Variants in PUM2 observed in about 807,000 individuals in gnomAD.
PUM2 encodes pumilio homolog 2.
A neutral mutation model predicts 124.5 loss-of-function variants in PUM2; 57 were observed. The observed-to-expected ratio is 0.46, with a 90% CI of 0.37 to 0.57. The LOEUF (loss-of-function observed/expected upper bound fraction) is 0.57, where lower values mean the gene tolerates loss of function less well. Among genes scored for constraint, PUM2 ranks in the 20% least tolerant of loss-of-function variants. The probability of loss-of-function intolerance (pLI) is 0.00; values close to 1 mark genes in which losing one functional copy is unlikely to be tolerated. For missense variants in PUM2, 1,065 were observed against 1,290.6 expected, an observed-to-expected ratio of 0.83 and a Z score of 2.68; for synonymous variants, 460 against 446.1, an observed-to-expected ratio of 1.03 and a Z score of -0.39.
chr2:20,307,131 T>C (rs1407766189), intron 7 of PUM2, among the ~76,000 whole-genome samples: 1 of 151,868 alleles, frequency 6.6e-6, no homozygotes, highest in Non-Finnish European at 1.5e-5. Flanking sequence ...CAGGAGAATC[T>C]CTTGAACCCA....
intron 2 of PUM2, among the ~76,000 whole-genome samples, chr2:20,321,366 C>T (rs928982122): frequency 3.9e-5 from 6 of 152,148 alleles, no homozygotes; most frequent in South Asian, 2.1e-4. Context: ...CTGTAAACCA[C>T]TTACCAAGTG....
chr2:20,329,310 T>C (rs1471854186), intron 1 of PUM2, among the ~76,000 whole-genome samples: 2 of 151,252 alleles, frequency 1.3e-5, no homozygotes, highest in African/African-American at 2.4e-5. Flanking sequence ...GGCATGCCTA[T>C]AGCCACAGCT....
At chr2:20,262,421 T>C (rs1004833889) in intron 14 of PUM2, among the ~76,000 whole-genome samples, 5 of 152,260 alleles carry the variant, frequency 3.3e-5, no homozygotes, top group African/African-American at 9.6e-5. Context: ...TACAGTGACA[T>C]GCTGTACAGA....
intron 13 of PUM2, among the ~76,000 whole-genome samples, chr2:20,270,548 A>T: frequency 1.2e-5 from 1 of 81,374 alleles, no homozygotes; most frequent in Admixed American, 1.3e-4. Context: ...TAAAAAACAA[A>T]TAAACACACA....
At chr2:20,329,353 G>A (rs1684397935) in intron 1 of PUM2, among the ~76,000 whole-genome samples, 1 of 148,068 alleles carries the variant, frequency 6.8e-6, no homozygotes, top group Non-Finnish European at 1.5e-5. Flanking sequence ...GATCACTTGA[G>A]CCCAGGAAGT....
At chr2:20,269,671 T>G (rs2148689248) in intron 13 of PUM2, among the ~76,000 whole-genome samples, 1 of 152,280 alleles carries the variant, frequency 6.6e-6, no homozygotes, top group South Asian at 2.1e-4. Flanking sequence ...AACTGTTAAT[T>G]TTATGACAAT....
At position 20,251,458 on chromosome 2, in the gene PUM2, A is replaced by G. The variant is rs903819335; in HGVS notation, c.*127T>C. On this transcript the variant is annotated 3_prime_UTR_variant, in exon 21 of 21. Coordinates refer to ENST00000361078, the MANE Select transcript of PUM2 (RefSeq NM_015317.5). ...TAAAAAATTTACAAATGGATGAATA[A>G]AGTCAATAAATAGTTTTGCTTTAAA... 6.7e-6 allele frequency: 8 copies of G among 1,196,352 alleles called. No individual in the cohort carries two copies. In the African/African-American group the frequency reaches 1.2e-4, roughly 18 times the overall value. 74.1% of individuals were successfully genotyped at this position (1,196,352 alleles called of 1,614,324 possible).
In PUM2 at chr2:20,253,929, G is replaced by C; in HGVS notation, c.2956C>G (p.Pro986Ala). The C allele has an allele frequency of 6.2e-7, 1 of 1,613,996 alleles. No homozygotes were observed. Among genetic ancestry groups the C allele is most frequent in the Non-Finnish European group, 8.5e-7 (1 of 1,179,914 alleles). ...ATCATGGTGTATAAGGCACTGTGAG[G>C]ACCATCATTCTGGCAGCAAACCTCG... Reference protein sequence around the residue: ...IDEVCCQNDGPHSALYTMMKD... With the variant: ...IDEVCCQNDGAHSALYTMMKD... Residue 986 changes from proline to alanine, a missense_variant, in exon 20 of 21, where the codon CCT becomes GCT. Physicochemically the swap from Pro to Ala is conservative, Grantham distance 27 (BLOSUM62 -1). Transcript: ENST00000361078.
chr2:20,280,520 TTAAC>T (rs1671265625), intron 12 of PUM2, among the ~76,000 whole-genome samples: 1 of 152,108 alleles, frequency 6.6e-6, no homozygotes, highest in Non-Finnish European at 1.5e-5. Context: ...AGAAAACAAT[TTAAC>T]TGACAATGAA....
In PUM2 at chr2:20,283,177, C is replaced by T. The variant is rs1420995262; in HGVS notation, c.1490G>A (p.Gly497Asp). 6.2e-7 allele frequency: 1 copy of T among 1,613,958 alleles called. No individual in the cohort carries two copies. Among genetic ancestry groups the T allele is most frequent in the African/African-American group, 1.3e-5 (1 of 74,924 alleles). ...CTGAGTGCCAATTGGCCGAAACAGACCATTTGTGCTGCCTGTAAGGCTACT... is the reference window on the plus strand; with the variant it reads ...CTGAGTGCCAATTGGCCGAAACAGATCATTTGTGCTGCCTGTAAGGCTACT... ...TASSLTGSTN[G>D]LFRPIGTQPP... The change falls in exon 12 of 21, where the codon GGT becomes GAT. Residue 497 changes from glycine to aspartate, a missense_variant. By Grantham distance (94) the Gly-to-Asp change is moderately conservative. This residue lies in a region of PUM2 where 968 missense variants were observed against 1,159.8 expected (regional missense o/e 0.83). Coordinates refer to ENST00000361078, the MANE Select transcript of PUM2 (RefSeq NM_015317.5).
intron 1 of PUM2, among the ~76,000 whole-genome samples, chr2:20,330,119 T>C (rs1684593354): frequency 1.3e-5 from 2 of 152,046 alleles, no homozygotes; most frequent in African/African-American, 4.8e-5. Flanking sequence ...GGAACAATGA[T>C]GTATGAATGA....
At position 20,313,444 on chromosome 2, in the gene PUM2, T is replaced by C. The variant is rs564650615; in HGVS notation, c.161-1021A>G. Among the ~76,000 whole-genome samples the C allele has an allele frequency of 7.2e-5, 11 of 152,352 alleles. No homozygotes were observed. In the South Asian group the frequency reaches 2.3e-3, roughly 32 times the overall value. On this transcript the variant is annotated intron_variant, in intron 3 of 20. Coordinates refer to ENST00000361078, the MANE Select transcript of PUM2 (RefSeq NM_015317.5). ...GAAATAGTATGCAAAGGATACTACC[T>C]AAAGGATCAGTTGCTTATAAACATC...
intron 1 of PUM2, among the ~76,000 whole-genome samples, chr2:20,336,748 CTGTGTGTGTGTGTGTGTGTG>C (rs70939037): frequency 0.04 from 3,885 of 97,456 alleles, 68 homozygotes; most frequent in Middle Eastern, 0.074. Context: ...CCAGGCTGAT[CTGTGTGTGTGTGTGTGTGTG>C]TGTGTGTGTG....
intron 13 of PUM2, among the ~76,000 whole-genome samples, chr2:20,271,384 G>C (rs1465892529): frequency 6.6e-6 from 1 of 152,152 alleles, no homozygotes; most frequent in African/African-American, 2.4e-5. Flanking sequence ...CATAACGTCG[G>C]CTTACTGCAA....
At chr2:20,337,206 AC>A (rs1686307464) in intron 1 of PUM2, among the ~76,000 whole-genome samples, 1 of 152,172 alleles carries the variant, frequency 6.6e-6, no homozygotes, top group South Asian at 2.1e-4. Flanking sequence ...TCACAAACCA[AC>A]TATAAAGACT....
chr2:20,316,780 C>G (rs2148688157), intron 3 of PUM2, among the ~76,000 whole-genome samples: 1 of 152,200 alleles, frequency 6.6e-6, no homozygotes, highest in South Asian at 2.1e-4. Flanking sequence ...TGCCCTAATC[C>G]CAGCACTCTG....
chr2:20,282,883 T>G (rs1329264988), intron 12 of PUM2, 64 bp downstream of exon 12: 2 of 1,478,916 alleles, frequency 1.4e-6, no homozygotes, highest in Non-Finnish European at 1.8e-6. Context: ...CTTATTTTAA[T>G]GTTAAACACA....
At chr2:20,316,672 G>A (rs1186538771) in intron 3 of PUM2, among the ~76,000 whole-genome samples, 1 of 151,870 alleles carries the variant, frequency 6.6e-6, no homozygotes, top group African/African-American at 2.4e-5. Flanking sequence ...TCACTTGAGG[G>A]CAGAAGTTCC....
intron 3 of PUM2, among the ~76,000 whole-genome samples, chr2:20,316,568 G>A (rs1304820304): frequency 6.6e-6 from 1 of 151,802 alleles, no homozygotes; most frequent in African/African-American, 2.4e-5. Context: ...TTACTAACTG[G>A]AAACATTTTA....
Sources: allele counts gnomAD v4.1 joint callset (sites outside exome capture counted in the v4.1 genomes callset), GRCh38; gene constraint gnomAD v4.1.1; regional missense constraint gnomAD v4.1.1; transcripts MANE v1.5; gene names NCBI Gene and HGNC (gene_info 2026-07-23, HGNC 2026-07-21).